TMEM68: variants seen among roughly 807,000 people sequenced by gnomAD.
TMEM68 encodes transmembrane protein 68.
Under a neutral mutation model 36.9 loss-of-function variants are expected in TMEM68, and 25 were observed. The observed-to-expected ratio is 0.68, with a 90% confidence interval of 0.49 to 0.95. The LOEUF (loss-of-function observed/expected upper bound fraction) is 0.95. Among genes scored for constraint, TMEM68 ranks in the 40% least tolerant of loss-of-function variants. TMEM68 has a pLI of 0.00. For synonymous variants in TMEM68, 131 were observed against 124.4 expected (o/e 1.05, Z -0.35); for missense variants, 333 against 392.0 (o/e 0.85, Z 1.27).
rs769626273 is a variant in TMEM68 at position 55,754,444 on chromosome 8, A to AATATAT, written c.493+1794_493+1799dup. On this transcript the variant is annotated intron_variant, in intron 4 of 7. Transcript: ENST00000434581. ...GGTGACAGAGCAAGACTCTGTCTCG[A>AATATAT]ATATATATATATATATATATATACA... Among the ~76,000 whole-genome samples the AATATAT allele has an allele frequency of 5.1e-3, 519 of 101,042 alleles. 4 individuals carry two copies. Among genetic ancestry groups the AATATAT allele is most frequent in the East Asian group, 0.021 (74 of 3,484 alleles). The allele number at this position is 101,042 out of a possible 152,430, so 66.3% of individuals were successfully genotyped here. A position where few individuals can be genotyped will look rare whatever the true frequency, so the allele number is the denominator to read the frequency against.
intron 5 of TMEM68, chr8:55,745,820 C>T (rs541561278): frequency 1.3e-5 from 2 of 152,096 alleles, no homozygotes; most frequent in South Asian, 4.1e-4. Context: ...CCTTAGTTTC[C>T]CAAAGTGTTA....
Position 55,740,142 on chromosome 8 carries a change from C to T in TMEM68, c.965G>A (p.Arg322His), listed in dbSNP as rs1810054584. 1.2e-6 allele frequency: 2 copies of T among 1,612,254 alleles called. No individual in the cohort carries two copies. Among genetic ancestry groups the T allele is most frequent in the Non-Finnish European group, 8.5e-7 (1 of 1,179,206 alleles). Residue 322 changes from arginine (R) to histidine (H), a missense_variant, in exon 8 of 8, where the codon CGT becomes CAT. Physicochemically the swap from Arg to His is conservative, Grantham distance 29. Transcript: ENST00000434581. ...GTTGACCCTTTGTTATCAATGAAAACGTTCTAACAAAGCACTCATAATGTT... is the reference window on the plus strand; with the variant it reads ...GTTGACCCTTTGTTATCAATGAAAATGTTCTAACAAAGCACTCATAATGTT... Reference protein sequence around the residue: ...PGNIMSALLERFH With the variant: ...PGNIMSALLEHFH
chr8:55,746,341 A>AAAAAAAAT (rs1810277452), intron 5 of TMEM68: 1 of 150,216 alleles, frequency 6.7e-6, no homozygotes, highest in African/African-American at 2.5e-5. Context: ...AAAAAAAAAA[A>AAAAAAAAT]GAATTCTCCA....
intron 7 of TMEM68, among the ~76,000 whole-genome samples, chr8:55,742,562 C>T (rs948481808): frequency 2.0e-5 from 3 of 151,940 alleles, no homozygotes; most frequent in African/African-American, 7.3e-5. Flanking sequence ...TTTTGAGAGA[C>T]AGTGTCTCAC....
At chr8:55,770,954 G>A (rs889227738) in intron 1 of TMEM68, among the ~76,000 whole-genome samples, 7 of 152,002 alleles carry the variant, frequency 4.6e-5, no homozygotes, top group South Asian at 4.2e-4. Context: ...TCGGGAGTTC[G>A]AGACCAGCCT....
intron 6 of TMEM68, among the ~76,000 whole-genome samples, 193 bp downstream of exon 6, chr8:55,744,868 C>T (rs1205221338): frequency 6.6e-6 from 1 of 152,142 alleles, no homozygotes; most frequent in East Asian, 1.9e-4. Flanking sequence ...TATATGTACT[C>T]TCAACAAAAA....
chr8:55,744,102 A>G (rs888153780), intron 6 of TMEM68, among the ~76,000 whole-genome samples: 14 of 151,952 alleles, frequency 9.2e-5, no homozygotes, highest in Admixed American at 3.9e-4. Flanking sequence ...TTAGATAAAT[A>G]AAAGACCAAA....
At chr8:55,745,841 C>T (rs1296853523) in intron 5 of TMEM68, 1 of 152,200 alleles carries the variant, frequency 6.6e-6, no homozygotes, top group South Asian at 2.1e-4. Flanking sequence ...GGATTACAGG[C>T]GTGAGCCACT....
At chr8:55,748,885 C>A (rs1465858797) in intron 5 of TMEM68, among the ~76,000 whole-genome samples, 1 of 152,144 alleles carries the variant, frequency 6.6e-6, no homozygotes, top group Non-Finnish European at 1.5e-5. Context: ...ACCCACATGT[C>A]CAGCTGAGAA....
intron 5 of TMEM68, 59 bp from the exon 6 acceptor site, chr8:55,745,180 A>G (rs1318217988): frequency 1.3e-5 from 15 of 1,196,566 alleles, no homozygotes; most frequent in African/African-American, 1.6e-5. Context: ...CAATGTCTCC[A>G]TTAGAGTAAC....
At chr8:55,754,127 CAT>C (rs1373901724) in intron 4 of TMEM68, among the ~76,000 whole-genome samples, 5 of 150,466 alleles carry the variant, frequency 3.3e-5, no homozygotes, top group African/African-American at 1.2e-4. Context: ...CACACACACA[CAT>C]ACACACATAT....
intron 3 of TMEM68, 92 bp downstream of exon 3, chr8:55,762,542 CA>C: frequency 6.3e-7 from 1 of 1,575,782 alleles, no homozygotes; most frequent in Non-Finnish European, 8.6e-7. Context: ...TTATATTTTT[CA>C]GTATCTTCTC....
At chr8:55,769,684 C>A (rs1300703644) in intron 1 of TMEM68, among the ~76,000 whole-genome samples, 1 of 151,974 alleles carries the variant, frequency 6.6e-6, no homozygotes, top group Non-Finnish European at 1.5e-5. Flanking sequence ...CCAGGCTGGA[C>A]TGCAGTGGCT....
intron 1 of TMEM68, among the ~76,000 whole-genome samples, chr8:55,769,019 A>T (rs13271870): frequency 0.55 from 28,615 of 52,452 alleles, 5,516 homozygotes; most frequent in East Asian, 0.61. Flanking sequence ...CTCTGTCTTT[A>T]AAAAAAAAAA....
Position 55,769,018 on chromosome 8 carries a change from T to TTAAAAATAAAAAAAAAA in TMEM68, c.-115+4250_-115+4251insTTTTTTTTTTATTTTTA, listed in dbSNP as rs1554556017. On this transcript the variant is annotated intron_variant, in intron 1 of 7. Coordinates refer to ENST00000434581, the MANE Select transcript of TMEM68 (RefSeq NM_001286657.2). ...GTGAAAGAGCAAGAGACTCTGTCTT[T>TTAAAAATAAAAAAAAAA]AAAAAAAAAAAAAAAAAAAAAAAGG... Among the ~76,000 whole-genome samples, 4 of 82,094 alleles carry TTAAAAATAAAAAAAAAA rather than the reference T, an allele frequency of 4.9e-5. No homozygotes were observed. In the East Asian group the frequency reaches 1.0e-3, roughly 22 times the overall value. 53.9% of individuals were successfully genotyped at this position (82,094 alleles called of 152,430 possible).
Position 55,743,595 on chromosome 8 carries a change from T to C in TMEM68, c.774A>G (p.Lys258=). ...ACATTGGAGCAAATGGATAGCGGAATTTTTCATAAAGCCACCTAAATAACC... is the reference window on the plus strand; with the variant it reads ...ACATTGGAGCAAATGGATAGCGGAACTTTTCATAAAGCCACCTAAATAACC... ...GTRLFRWLYE[K]FRYPFAPMYG... Residue 258 remains lysine (K), a synonymous_variant, in exon 7 of 8, where the codon AAA becomes AAG. Transcript: ENST00000434581. The C allele has an allele frequency of 6.5e-7, 1 of 1,535,228 alleles. No individual in the cohort carries two copies. The highest frequency in any genetic ancestry group is 8.7e-7 in the Non-Finnish European group (1 of 1,146,612).
Position 55,763,030 on chromosome 8 carries a change from T to A in TMEM68, c.-69-2A>T. 6.8e-7 allele frequency: 1 copy of A among 1,463,526 alleles called. No individual in the cohort carries two copies. Among genetic ancestry groups the A allele is most frequent in the Non-Finnish European group, 9.1e-7 (1 of 1,097,412 alleles). 90.7% of individuals were successfully genotyped at this position (1,463,526 alleles called of 1,614,324 possible). A position where few individuals can be genotyped will look rare whatever the true frequency, so the allele number is the denominator to read the frequency against. On this transcript the variant is annotated splice_acceptor_variant, in intron 2 of 7. Transcript: ENST00000434581. LOFTEE classifies it low-confidence loss of function (5UTR_SPLICE). ...CATAGCAGGTCGCTAATTTTGACAC[T>A]AGAAGGGAAAAATAATCCAGTATTA...
intron 7 of TMEM68, among the ~76,000 whole-genome samples, chr8:55,741,553 C>T (rs11986856): frequency 0.71 from 108,109 of 152,106 alleles, 38,664 homozygotes; most frequent in African/African-American, 0.79. Flanking sequence ...GTGATGCATA[C>T]CATCTGAAGT....
intron 5 of TMEM68, chr8:55,747,583 C>G (rs1810319916): frequency 6.6e-6 from 1 of 152,108 alleles, no homozygotes; most frequent in Admixed American, 6.5e-5. Context: ...CCTGCCTCAG[C>G]CTCCCAAAGT....
Sources: gnomAD v4.1 joint callset for allele counts (sites outside exome capture counted in the v4.1 genomes callset) on GRCh38, gnomAD v4.1.1 for gene constraint, MANE v1.5 for transcripts, NCBI Gene and HGNC (gene_info 2026-07-23, HGNC 2026-07-21) for gene names.